CCND1: variants seen among roughly 807,000 people sequenced by gnomAD.
The protein encoded by CCND1 is G1/S-specific cyclin-D1.
CCND1 carries 9 observed loss-of-function variants against 26.1 expected under a neutral mutation model. The observed-to-expected ratio is 0.35, with a 90% CI of 0.21 to 0.60. The LOEUF (loss-of-function observed/expected upper bound fraction) is 0.60, where lower values mean the gene tolerates loss of function less well. Among genes scored for constraint, CCND1 ranks in the 20% least tolerant of loss-of-function variants. The probability of loss-of-function intolerance (pLI) is 0.79; values close to 1 mark genes in which losing one functional copy is unlikely to be tolerated. For synonymous variants in CCND1, 194 were observed against 166.1 expected (o/e 1.17, Z -1.29); for missense variants, 335 against 392.9 (o/e 0.85, Z 1.25).
At chr11:69,643,766 C>A (rs1368186238) in intron 2 of CCND1, 66 bp from the exon 3 acceptor site, 1 of 1,518,284 alleles carries the variant, frequency 6.6e-7, no homozygotes, top group South Asian at 1.2e-5. Flanking sequence ...CCCCGTGCTG[C>A]CGGCTTCCCC....
At chr11:69,646,226 T>C (rs926126701) in intron 3 of CCND1, among the ~76,000 whole-genome samples, 1 of 152,234 alleles carries the variant, frequency 6.6e-6, no homozygotes, top group South Asian at 2.1e-4. Context: ...GAGAAGGTTT[T>C]CATTCATGGC....
chr11:69,642,959 TG>T (rs1212573209), intron 1 of CCND1, 71 bp from the exon 2 acceptor site: 63 of 1,099,018 alleles, frequency 5.7e-5, no homozygotes, highest in Non-Finnish European at 7.5e-5. Context: ...CCAAGCGCGA[TG>T]GGGGGTGCGG....
Position 69,654,461 on chromosome 11 carries a change from C to G in CCND1, c.*3179C>G. On this transcript the variant is annotated 3_prime_UTR_variant, in exon 5 of 5. Transcript: ENST00000227507. The surrounding 1 kb of genome is among the most constrained non-coding windows in gnomAD (Gnocchi z 6.3). The stretch of plus-strand genomic sequence containing the variant: ...CAAACATGAAAGTCTAGAAATAAAA[C>G]TGGTAAAACCCCAGCGTGGTGCCTG... 1.5e-6 allele frequency: 1 copy of G among 654,544 alleles called. No homozygotes were observed. The highest frequency in any genetic ancestry group is 1.7e-5 in the South Asian group (1 of 58,726). 40.5% of individuals were successfully genotyped at this position (654,544 alleles called of 1,614,324 possible).
chr11:69,654,025 C>A lies in CCND1; in HGVS notation c.*2743C>A. 3.3e-6 allele frequency: 2 copies of A among 599,576 alleles called. No homozygotes were observed. The highest frequency in any genetic ancestry group is 5.9e-6 in the Non-Finnish European group (2 of 336,258). 37.1% of individuals were successfully genotyped at this position (599,576 alleles called of 1,614,324 possible). On this transcript the variant is annotated 3_prime_UTR_variant, in exon 5 of 5. Transcript: ENST00000227507. This position sits in a 1 kb window ranked among gnomAD's most constrained non-coding sequence, Gnocchi z 6.3. ...CCCGGTCACCTAGCAAGCTGCCGAACCAAAAGAATTTGCACCCCGCTGCGG... is the reference window on the plus strand; with the variant it reads ...CCCGGTCACCTAGCAAGCTGCCGAAACAAAAGAATTTGCACCCCGCTGCGG...
At chr11:69,641,681 G>A (rs1293689154) in intron 1 of CCND1, among the ~76,000 whole-genome samples, 170 bp downstream of exon 1, 1 of 152,200 alleles carries the variant, frequency 6.6e-6, no homozygotes, top group East Asian at 1.9e-4. Flanking sequence ...ATTTTCTGAA[G>A]GAGGAAGGGG....
rs9344 is a variant in CCND1 at position 69,648,142 on chromosome 11, G to A, written c.723G>A (p.Pro241=). 716,284 of 1,613,168 alleles carry A rather than the reference G, an allele frequency of 0.44. 162,210 individuals are homozygous for A. Among genetic ancestry groups the A allele is most frequent in the East Asian group, 0.53 (23,571 of 44,848 alleles). ...TCTCCAGAGTGATCAAGTGTGACCC[G>A]GTAAGTGAGGGTGATGTCCCAGGCA... The part of the protein sequence containing the change: ...RFLSRVIKCD[P]DCLRACQEQI... The change falls in exon 4 of 5, where the codon CCG becomes CCA. Residue 241 remains proline (P), a splice_region_variant and synonymous_variant. Coordinates refer to ENST00000227507, the MANE Select transcript of CCND1 (RefSeq NM_053056.3).
At position 69,641,373 on chromosome 11, in the gene CCND1, C is replaced by T. The variant is rs143734358; in HGVS notation, c.60C>T (p.Ala20=). 6.8e-6 allele frequency: 11 copies of T among 1,613,264 alleles called. No individual in the cohort carries two copies. Among genetic ancestry groups the T allele is most frequent in the Middle Eastern group, 1.6e-4 (1 of 6,084 alleles). ...VETIRRAYPD[A]NLLNDRVLRA... is the part of the protein sequence containing the mutation. ...CCATCCGCCGCGCGTACCCCGATGC[C>T]AACCTCCTCAACGACCGGGTGCTGC... Residue 20 remains alanine (A), a synonymous_variant, in exon 1 of 5, where the codon GCC becomes GCT. Coordinates refer to ENST00000227507, the MANE Select transcript of CCND1 (RefSeq NM_053056.3).
chr11:69,643,718 G>C, intron 2 of CCND1, 114 bp from the exon 3 acceptor site: 1 of 952,538 alleles, frequency 1.0e-6, no homozygotes, highest in South Asian at 1.7e-5. Flanking sequence ...GAGACGCAGG[G>C]GCCAGTGCTC....
rs745492856 is a variant in CCND1 at position 69,643,072 on chromosome 11, G to T, written c.240G>T (p.Leu80=). ...EQKCEEEVFP[L]AMNYLDRFLS... is the part of the protein sequence containing the mutation. ...AGTGCGAGGAGGAGGTCTTCCCGCTGGCCATGAACTACCTGGACCGCTTCC... is the reference window on the plus strand; with the variant it reads ...AGTGCGAGGAGGAGGTCTTCCCGCTTGCCATGAACTACCTGGACCGCTTCC... The change falls in exon 2 of 5, where the codon CTG becomes CTT. Residue 80 remains leucine, a synonymous_variant. Transcript: ENST00000227507. 5.0e-6 allele frequency: 8 copies of T among 1,609,010 alleles called. No individual in the cohort carries two copies. The South Asian group carries it at 8.9e-5, about 18-fold the overall frequency.
At position 69,653,757 on chromosome 11, in the gene CCND1, G is replaced by T. The variant is rs1855886373; in HGVS notation, c.*2475G>T. On this transcript the variant is annotated 3_prime_UTR_variant, in exon 5 of 5. Transcript: ENST00000227507. ...TGTGTTATTCTTTGCGTGTAGCTAT[G>T]GAAGTTGCATAATTATTATTATTAT... 2 of 286,816 alleles carry T rather than the reference G, an allele frequency of 7.0e-6. No individual in the cohort carries two copies. Among genetic ancestry groups the T allele is most frequent in the East Asian group, 5.2e-5 (1 of 19,222 alleles). 17.8% of individuals were successfully genotyped at this position (286,816 alleles called of 1,614,324 possible). A position where few individuals can be genotyped will look rare whatever the true frequency, so the allele number is the denominator to read the frequency against.
chr11:69,644,019 T>C (rs746365295), intron 3 of CCND1, 28 bp downstream of exon 3: 1 of 1,611,470 alleles, frequency 6.2e-7, no homozygotes. Flanking sequence ...GCCCCCGGCC[T>C]CCCCTTGAGA....
intron 2 of CCND1, 56 bp downstream of exon 2, chr11:69,643,302 G>T: frequency 7.0e-7 from 1 of 1,428,330 alleles, no homozygotes. Flanking sequence ...CAGGACCACG[G>T]GGCCGGGGAA....
chr11:69,649,894 T>C (rs2120115533), intron 4 of CCND1, among the ~76,000 whole-genome samples: 2 of 152,342 alleles, frequency 1.3e-5, no homozygotes, highest in South Asian at 4.1e-4. Flanking sequence ...GCCTCTGGCC[T>C]CAGTTTCCCC....
chr11:69,654,301 A>G lies in CCND1; in HGVS notation c.*3019A>G, dbSNP rs200170583. Reference sequence around the variant, plus strand: ...GGCTGGTGGCAAGTGCACGGGGCACAGCGGAGTCTGTCCTGTGACGCGCAA... The same window carrying G: ...GGCTGGTGGCAAGTGCACGGGGCACGGCGGAGTCTGTCCTGTGACGCGCAA... On this transcript the variant is annotated 3_prime_UTR_variant, in exon 5 of 5. Transcript: ENST00000227507. This position sits in a 1 kb window ranked among gnomAD's most constrained non-coding sequence, Gnocchi z 6.3. 1,438 of 702,594 alleles carry G rather than the reference A, an allele frequency of 2.0e-3. 9 individuals carry two copies. The highest frequency in any genetic ancestry group is 3.0e-3 in the Non-Finnish European group (1,159 of 384,998). The allele number at this position is 702,594 out of a possible 1,614,324, so 43.5% of individuals were successfully genotyped here.
In CCND1 at chr11:69,643,813, G is replaced by C. The variant is rs769966322; in HGVS notation, c.415-19G>C. On this transcript the variant is annotated intron_variant, in intron 2 of 4. Transcript: ENST00000227507. Reference sequence around the variant, plus strand: ...CTGGCCCGCACCTCCCCTGATGGCCGCTCACCCTGTGTTCGCAGCAAATGG... The same window carrying C: ...CTGGCCCGCACCTCCCCTGATGGCCCCTCACCCTGTGTTCGCAGCAAATGG... 1 of 1,593,174 alleles carries C rather than the reference G, an allele frequency of 6.3e-7. No homozygotes were observed.
chr11:69,644,287 G>T, intron 3 of CCND1: 1 of 448,036 alleles, frequency 2.2e-6, no homozygotes, highest in South Asian at 2.6e-5. Flanking sequence ...CAGGCAGCCT[G>T]TGGCCACTCC....
At chr11:69,641,698 TG>T (rs975215853) in intron 1 of CCND1, among the ~76,000 whole-genome samples, 187 bp downstream of exon 1, 6 of 128,592 alleles carry the variant, frequency 4.7e-5, no homozygotes, top group African/African-American at 1.4e-4. Context: ...GGGGTGGGGG[TG>T]GGGGTGCTAG....
chr11:69,644,797 G>A (rs1431808339), intron 3 of CCND1, among the ~76,000 whole-genome samples: 2 of 152,224 alleles, frequency 1.3e-5, no homozygotes, highest in African/African-American at 4.8e-5. Context: ...TGGCCCAGGA[G>A]GCCTGGTTAC....
At chr11:69,642,188 C>CG (rs1449244996) in intron 1 of CCND1, among the ~76,000 whole-genome samples, 2 of 152,102 alleles carry the variant, frequency 1.3e-5, no homozygotes, top group Non-Finnish European at 2.9e-5. Context: ...GCGCCCCGAA[C>CG]GGGCAGCCTG....
Sources: gnomAD v4.1 joint callset for allele counts (sites outside exome capture counted in the v4.1 genomes callset) on GRCh38, gnomAD v4.1.1 for gene constraint, Gnocchi (gnomAD v3.1) non-coding constraint, MANE v1.5 for transcripts, NCBI Gene and HGNC (gene_info 2026-07-23, HGNC 2026-07-21) for gene names.